The following CIMAP1A variants were observed in gnomAD, a reference collection of about 807,000 sequenced individuals.
CIMAP1A encodes the protein cancer/testis antigen 135.
At chr11:199,150 A>T in the CIMAP1A span, 2 of 1,407,976 alleles carry the variant, frequency 1.4e-6, no homozygotes, top group South Asian at 3.0e-5. Context: ...TGCCATTGCC[A>T]GCGTGAGGCT....
the CIMAP1A span, chr11:199,386 C>A: frequency 1.3e-6 from 2 of 1,574,192 alleles, no homozygotes; most frequent in Non-Finnish European, 1.7e-6. Context: ...GTCCCGCAGC[C>A]TACCGCCAAA....
At chr11:197,838 T>C in the CIMAP1A span, 278 of 1,544,160 alleles carry the variant, frequency 1.8e-4, 1 homozygote, top group African/African-American at 3.5e-3. Context: ...CCTAACCTCA[T>C]GTCAGCAAGG....
At chr11:198,993 G>A in the CIMAP1A span, 3 of 1,187,238 alleles carry the variant, frequency 2.5e-6, no homozygotes, top group South Asian at 2.3e-5. Flanking sequence ...AGCTTGAGGG[G>A]CCTGAGATGG....
chr11:197,843 G>C, the CIMAP1A span: 11 of 1,533,008 alleles, frequency 7.2e-6, no homozygotes, highest in Non-Finnish European at 9.7e-6. Flanking sequence ...CCTCATGTCA[G>C]CAAGGGTGTG....
At chr11:199,658 G>A in the CIMAP1A span, 1 of 1,420,062 alleles carries the variant, frequency 7.0e-7, no homozygotes, top group Non-Finnish European at 9.2e-7. Flanking sequence ...AAGGGGTGGA[G>A]GGGTGGGGTG....
chr11:197,480 GCCTGGGGCTCAATC>G, the CIMAP1A span: 1 of 1,592,018 alleles, frequency 6.3e-7, no homozygotes, highest in Non-Finnish European at 8.6e-7. Flanking sequence ...CCCGGGAAGG[GCCTGGGGCTCAATC>G]CCTGACTCCC....
chr11:197,383 G>A, the CIMAP1A span: 2 of 1,600,602 alleles, frequency 1.2e-6, no homozygotes, highest in Non-Finnish European at 1.7e-6. Flanking sequence ...CAGCAGCCCT[G>A]GACCCAAGTA....
chr11:199,370 C>A, the CIMAP1A span: 5 of 1,569,432 alleles, frequency 3.2e-6, no homozygotes, highest in Non-Finnish European at 4.3e-6. Context: ...ACCTCTCAGA[C>A]CCCAGGTCCC....
the CIMAP1A span, chr11:198,436 G>T: frequency 6.2e-7 from 1 of 1,613,190 alleles, no homozygotes; most frequent in South Asian, 1.1e-5. Flanking sequence ...GCCCTGTTCC[G>T]GCCTGAGGCT....
chr11:198,803 C>T, the CIMAP1A span: 4 of 1,417,866 alleles, frequency 2.8e-6, no homozygotes, highest in Non-Finnish European at 3.7e-6. Context: ...CCAGCATGGA[C>T]CGTGCTGAGG....
chr11:199,654 T>C, the CIMAP1A span: 2 of 352,768 alleles, frequency 5.7e-6, no homozygotes, highest in Admixed American at 2.2e-4. Context: ...CAAGAAGGGG[T>C]GGAGGGGTGG....
the CIMAP1A span, chr11:199,747 A>T: frequency 7.0e-7 from 1 of 1,436,220 alleles, no homozygotes; most frequent in Non-Finnish European, 9.1e-7. Flanking sequence ...AGGGACATGG[A>T]AGCAGAGACC....
At chr11:198,060 C>A in the CIMAP1A span, 2 of 1,544,062 alleles carry the variant, frequency 1.3e-6, no homozygotes, top group Non-Finnish European at 1.7e-6. Context: ...CCTGGACACC[C>A]CCTGACCCGA....
chr11:198,690 A>G, the CIMAP1A span: 1 of 1,508,252 alleles, frequency 6.6e-7, no homozygotes, highest in South Asian at 1.3e-5. Context: ...AATGCCCCTC[A>G]GCCCCCTCAG....
the CIMAP1A span, chr11:198,511 G>A: frequency 2.1e-5 from 34 of 1,613,036 alleles, no homozygotes; most frequent in East Asian, 1.6e-4. Flanking sequence ...CAATACCGTC[G>A]GCAAGGCCTC....
the CIMAP1A span, chr11:198,899 A>C: frequency 8.0e-7 from 1 of 1,248,584 alleles, no homozygotes; most frequent in Non-Finnish European, 1.0e-6. Flanking sequence ...GAGGAGGAAA[A>C]AATAAACCAT....
the CIMAP1A span, chr11:199,158 G>C: frequency 2.1e-6 from 3 of 1,414,756 alleles, no homozygotes; most frequent in Non-Finnish European, 2.8e-6. Context: ...CCAGCGTGAG[G>C]CTGAAATGGA....
the CIMAP1A span, chr11:199,897 G>C: frequency 6.2e-7 from 1 of 1,606,958 alleles, no homozygotes; most frequent in Non-Finnish European, 8.5e-7. Flanking sequence ...GAGACCTGCA[G>C]GTGGGGGCAG....
the CIMAP1A span, chr11:199,204 T>C: frequency 6.9e-7 from 1 of 1,440,088 alleles, no homozygotes; most frequent in Non-Finnish European, 9.1e-7. Context: ...CCACAAGCAG[T>C]GGGGTGTGAT....
Sources: gnomAD v4.1 joint callset for allele counts on GRCh38, gnomAD v4.1.1 for gene constraint, MANE v1.5 for transcripts, NCBI Gene and HGNC (gene_info 2026-07-23, HGNC 2026-07-21) for gene names.